The following FOXN3 variants were observed in gnomAD, a reference collection of about 807,000 sequenced individuals.
The protein encoded by FOXN3 is forkhead box protein N3.
A neutral mutation model predicts 38.4 loss-of-function variants in FOXN3; 7 were observed. The observed-to-expected ratio is 0.18, with a 90% CI of 0.10 to 0.34. The LOEUF (loss-of-function observed/expected upper bound fraction) is 0.34, where lower values mean the gene tolerates loss of function less well. Ranked by LOEUF, FOXN3 falls within the 10% of genes least tolerant of loss-of-function variation. The pLI, the probability that FOXN3 is intolerant of heterozygous loss-of-function variation, is 1.00. For missense variants in FOXN3, 456 were observed against 613.4 expected (o/e 0.74, Z 2.71); for synonymous variants, 230 against 242.2 (o/e 0.95, Z 0.47).
chr14:89,193,637 C>T (rs745394938), intron 4 of FOXN3, among the ~76,000 whole-genome samples: 12 of 152,144 alleles, frequency 7.9e-5, no homozygotes, highest in African/African-American at 1.9e-4. Flanking sequence ...ATCCATTCAC[C>T]GGTAGGTTGA....
intron 1 of FOXN3, among the ~76,000 whole-genome samples, chr14:89,479,333 C>G (rs568539555): frequency 6.6e-6 from 1 of 152,288 alleles, no homozygotes; most frequent in African/African-American, 2.4e-5. Context: ...CTAACTTCAG[C>G]CCCCAGGCCT....
chr14:89,535,586 T>C (rs542790202), intron 1 of FOXN3, among the ~76,000 whole-genome samples: 1 of 152,322 alleles, frequency 6.6e-6, no homozygotes, highest in Non-Finnish European at 1.5e-5. Flanking sequence ...GCTGTTAAGT[T>C]GTCCTTGGAT....
intron 1 of FOXN3, among the ~76,000 whole-genome samples, chr14:89,573,830 G>A (rs967442213): frequency 4.6e-5 from 7 of 152,078 alleles, no homozygotes; most frequent in Admixed American, 1.3e-4. Context: ...CCATAAGTTC[G>A]AGACCAGCCT....
chr14:89,581,765 T>G (rs1240182054), intron 1 of FOXN3, among the ~76,000 whole-genome samples: 2 of 152,160 alleles, frequency 1.3e-5, no homozygotes, highest in Admixed American at 1.3e-4. Flanking sequence ...GGATTCCCTC[T>G]CCTAGAGTCA....
chr14:89,513,884 T>G (rs753901255), intron 1 of FOXN3, among the ~76,000 whole-genome samples: 1 of 150,352 alleles, frequency 6.7e-6, no homozygotes, highest in Non-Finnish European at 1.5e-5. Flanking sequence ...AATCTCTCTC[T>G]CTTTCCTTCT....
At chr14:89,468,749 C>T (rs1328794265) in intron 1 of FOXN3, among the ~76,000 whole-genome samples, 2 of 152,182 alleles carry the variant, frequency 1.3e-5, no homozygotes, top group South Asian at 2.1e-4. Context: ...GGCTTTGAAC[C>T]AGTCCCCTGG....
At chr14:89,293,810 A>G (rs1189560875) in intron 3 of FOXN3, among the ~76,000 whole-genome samples, 2 of 152,114 alleles carry the variant, frequency 1.3e-5, no homozygotes, top group Non-Finnish European at 2.9e-5. Context: ...TCCCTTCCAC[A>G]TGCAGTCTCT....
intron 1 of FOXN3, among the ~76,000 whole-genome samples, chr14:89,429,348 G>A (rs1012191416): frequency 3.3e-5 from 5 of 152,144 alleles, no homozygotes; most frequent in Non-Finnish European, 5.9e-5. Flanking sequence ...TGACATCCTC[G>A]GTCTAAAACG....
chr14:89,537,840 C>A (rs1424562935), intron 1 of FOXN3, among the ~76,000 whole-genome samples: 1 of 152,136 alleles, frequency 6.6e-6, no homozygotes, highest in Non-Finnish European at 1.5e-5. Flanking sequence ...GTTTAGAATA[C>A]ATGGAGAGGT....
intron 1 of FOXN3, among the ~76,000 whole-genome samples, chr14:89,425,017 T>C (rs922258668): frequency 2.0e-5 from 3 of 151,988 alleles, no homozygotes; most frequent in African/African-American, 7.2e-5. Context: ...ACTCATTTTA[T>C]GTACAGCTGA....
chr14:89,411,873 A>G (rs1265924805), intron 2 of FOXN3, 61 bp downstream of exon 2: 3 of 1,133,282 alleles, frequency 2.6e-6, no homozygotes, highest in Non-Finnish European at 3.5e-6. Context: ...TTTTTAATAG[A>G]GAAAAATTTT....
intron 3 of FOXN3, among the ~76,000 whole-genome samples, chr14:89,295,024 C>A (rs996897064): frequency 1.3e-5 from 2 of 152,110 alleles, no homozygotes; most frequent in African/African-American, 2.4e-5. Flanking sequence ...GAGAGCCAAT[C>A]GGTGCTGGTA....
chr14:89,613,094 G>A (rs1182472816), intron 1 of FOXN3, among the ~76,000 whole-genome samples: 1 of 130,280 alleles, frequency 7.7e-6, no homozygotes, highest in Non-Finnish European at 1.5e-5. Context: ...TCCTGCCTGG[G>A]CGACAGAGCA....
At chr14:89,362,782 A>ACCATCT (rs1889917840) in intron 2 of FOXN3, among the ~76,000 whole-genome samples, 1 of 97,680 alleles carries the variant, frequency 1.0e-5, no homozygotes, top group African/African-American at 4.1e-5. Flanking sequence ...CACCACCACC[A>ACCATCT]CCACCACCAT....
chr14:89,483,267 GAA>G (rs1893377762), intron 1 of FOXN3, among the ~76,000 whole-genome samples: 1 of 152,144 alleles, frequency 6.6e-6, no homozygotes, highest in African/African-American at 2.4e-5. Flanking sequence ...CAGCAGCCAG[GAA>G]GCCATGTTTT....
At chr14:89,590,220 T>C (rs1428348337) in intron 1 of FOXN3, among the ~76,000 whole-genome samples, 1 of 152,150 alleles carries the variant, frequency 6.6e-6, no homozygotes, top group Non-Finnish European at 1.5e-5. Context: ...AATGAATGAT[T>C]CTTAAGCCTT....
chr14:89,240,068 G>C (rs1370097455), intron 4 of FOXN3, among the ~76,000 whole-genome samples: 1 of 152,126 alleles, frequency 6.6e-6, no homozygotes, highest in Admixed American at 6.5e-5. Context: ...GTATCAAAAA[G>C]ATAAGTACAG....
chr14:89,450,303 T>C (rs558346635), intron 1 of FOXN3, among the ~76,000 whole-genome samples: 1 of 152,234 alleles, frequency 6.6e-6, no homozygotes, highest in South Asian at 2.1e-4. Flanking sequence ...CATGGTGACC[T>C]TGTCTTAACT....
At chr14:89,438,618 A>T (rs1892316931) in intron 1 of FOXN3, among the ~76,000 whole-genome samples, 1 of 152,270 alleles carries the variant, frequency 6.6e-6, no homozygotes, top group Admixed American at 6.5e-5. Context: ...AATGTAACAT[A>T]TCAAACAGAT....
Sources: gnomAD v4.1 joint callset for allele counts (sites outside exome capture counted in the v4.1 genomes callset) on GRCh38, gnomAD v4.1.1 for gene constraint, MANE v1.5 for transcripts, NCBI Gene and HGNC (gene_info 2026-07-23, HGNC 2026-07-21) for gene names.